Variants in UNC79 observed in about 807,000 individuals in gnomAD.
UNC79 encodes the protein unc-79 subunit of NALCN channel complex.
Under a neutral mutation model 283.1 loss-of-function variants are expected in UNC79, and 37 were observed. The observed-to-expected ratio is 0.13, with a 90% CI of 0.10 to 0.17. The LOEUF (loss-of-function observed/expected upper bound fraction) is 0.17, where lower values mean the gene tolerates loss of function less well. Ranked by LOEUF, UNC79 falls within the 10% of genes least tolerant of loss-of-function variation. The probability of loss-of-function intolerance (pLI) is 1.00; values close to 1 mark genes in which losing one functional copy is unlikely to be tolerated. For synonymous variants in UNC79, 1,107 were observed against 1,200.2 expected (o/e 0.92, Z 1.61); for missense variants, 2,272 against 3,211.1 (o/e 0.71, Z 7.07).
intron 38 of UNC79, among the ~76,000 whole-genome samples, chr14:93,657,438 G>A (rs949472871): frequency 2.0e-5 from 3 of 150,584 alleles, no homozygotes; most frequent in Non-Finnish European, 4.4e-5. Flanking sequence ...TGCAAGCTCC[G>A]CCTCCTGGGT....
intron 41 of UNC79, among the ~76,000 whole-genome samples, chr14:93,679,582 G>A (rs113230024): frequency 0.011 from 1,697 of 152,274 alleles, 27 homozygotes; most frequent in Non-Finnish European, 0.018. Flanking sequence ...AGATGTGTTC[G>A]TTGTGGGCTG....
At chr14:93,348,033 G>C (rs2053902611) in intron 1 of UNC79, 2 of 1,605,554 alleles carry the variant, frequency 1.2e-6, no homozygotes, top group African/African-American at 1.3e-5. Flanking sequence ...TCCAGGAAAT[G>C]GCTGTTGGAC....
At chr14:93,505,730 C>CT (rs149720648) in intron 7 of UNC79, among the ~76,000 whole-genome samples, 9,415 of 146,058 alleles carry the variant, frequency 0.064, 552 homozygotes, top group East Asian at 0.33. Flanking sequence ...TTCTCTCTCT[C>CT]TTTTTTTTTT....
chr14:93,334,425 C>G (rs754242596), intron 1 of UNC79: 1 of 152,230 alleles, frequency 6.6e-6, no homozygotes, highest in Non-Finnish European at 1.5e-5. Context: ...AGGGTCACTT[C>G]AGTTGAACAT....
intron 5 of UNC79, among the ~76,000 whole-genome samples, chr14:93,493,894 TATA>T (rs1270882449): frequency 0.011 from 725 of 63,750 alleles, 16 homozygotes; most frequent in Middle Eastern, 0.023. Flanking sequence ...TATATATATA[TATA>T]TATATTTTTT....
intron 41 of UNC79, among the ~76,000 whole-genome samples, chr14:93,679,756 CAT>C (rs1375449796): frequency 6.6e-6 from 1 of 152,176 alleles, no homozygotes. Context: ...TTAGTAATGA[CAT>C]ATAATAGATA....
chr14:93,535,541 A>T (rs2061027517), intron 11 of UNC79, among the ~76,000 whole-genome samples: 1 of 152,160 alleles, frequency 6.6e-6, no homozygotes, highest in South Asian at 2.1e-4. Context: ...CATGATGGAG[A>T]TAGCTTGTCT....
At chr14:93,543,044 C>A (rs1369958593) in intron 14 of UNC79, among the ~76,000 whole-genome samples, 3 of 149,138 alleles carry the variant, frequency 2.0e-5, no homozygotes, top group Admixed American at 2.0e-4. Flanking sequence ...CCTGCCTCAG[C>A]CTCTGGAGTA....
chr14:93,366,938 G>T (rs2054347947), intron 1 of UNC79, among the ~76,000 whole-genome samples: 2 of 152,108 alleles, frequency 1.3e-5, no homozygotes, highest in African/African-American at 4.8e-5. Context: ...TTAACCAAAA[G>T]ACAGTATTAC....
At position 93,587,028 on chromosome 14, in the gene UNC79, T is replaced by C. The variant is rs1595961548; in HGVS notation, c.3032+120T>C. 4.2e-6 allele frequency: 5 copies of C among 1,184,820 alleles called. No individual in the cohort carries two copies. In the South Asian group the frequency reaches 7.5e-5, roughly 18 times the overall value. The allele number at this position is 1,184,820 out of a possible 1,614,324, so 73.4% of individuals were successfully genotyped here. A position where few individuals can be genotyped will look rare whatever the true frequency, so the allele number is the denominator to read the frequency against. Reference sequence around the variant, plus strand: ...TATTTTTTGAGCCAGGACAGCTCGATTGCCTATGATAACTACTTTTATTTT... The same window carrying C: ...TATTTTTTGAGCCAGGACAGCTCGACTGCCTATGATAACTACTTTTATTTT... On this transcript the variant is annotated intron_variant, in intron 22 of 48. Coordinates refer to ENST00000555664, the Ensembl canonical transcript of UNC79.
chr14:93,488,816 T>C (rs2058580434), intron 5 of UNC79, among the ~76,000 whole-genome samples: 1 of 152,150 alleles, frequency 6.6e-6, no homozygotes. Context: ...GAAAGGGAAT[T>C]CTCAGGGTCC....
chr14:93,607,597 A>G (rs956883909), intron 26 of UNC79, among the ~76,000 whole-genome samples: 3 of 152,320 alleles, frequency 2.0e-5, no homozygotes, highest in Middle Eastern at 3.4e-3. Flanking sequence ...CAGGCCTGCT[A>G]CAGAGTGGCT....
intron 30 of UNC79, 146 bp downstream of exon 32, chr14:93,622,987 T>A: frequency 9.0e-7 from 1 of 1,108,406 alleles, no homozygotes; most frequent in South Asian, 1.7e-5. Flanking sequence ...TCACTCTGAA[T>A]CCTTCCTGTT....
chr14:93,381,117 A>C (rs2054656215), intron 1 of UNC79, among the ~76,000 whole-genome samples: 1 of 152,214 alleles, frequency 6.6e-6, no homozygotes, highest in Non-Finnish European at 1.5e-5. Flanking sequence ...GTTTTGGCCC[A>C]GACCCCAAGA....
chr14:93,542,858 T>A (rs930094159), intron 14 of UNC79, among the ~76,000 whole-genome samples, 162 bp downstream of exon 14: 1 of 152,188 alleles, frequency 6.6e-6, no homozygotes, highest in African/African-American at 2.4e-5. Context: ...TTGGATGATG[T>A]GCTGCTTTGA....
chr14:93,493,901 A>ATATATATATATATATATAT (rs1251701550), intron 5 of UNC79, among the ~76,000 whole-genome samples: 1 of 49,252 alleles, frequency 2.0e-5, no homozygotes, highest in African/African-American at 8.9e-5. Context: ...ATATATATAT[A>ATATATATATATATATATAT]TTTTTTTTTT....
intron 7 of UNC79, among the ~76,000 whole-genome samples, chr14:93,517,325 C>CTT (rs3060641): frequency 2.6e-5 from 3 of 116,034 alleles, no homozygotes; most frequent in Admixed American, 9.3e-5. Flanking sequence ...CTATCCTTCT[C>CTT]TTTTTTTTTT....
At chr14:93,514,070 A>G (rs1241583485) in intron 7 of UNC79, among the ~76,000 whole-genome samples, 1 of 152,250 alleles carries the variant, frequency 6.6e-6, no homozygotes, top group Non-Finnish European at 1.5e-5. Flanking sequence ...TGAAGTAAGC[A>G]TAAGAAAATA....
At chr14:93,655,123 T>C (rs1448214559) in intron 37 of UNC79, 111 bp from the exon 41 acceptor site, 3 of 1,253,604 alleles carry the variant, frequency 2.4e-6, no homozygotes, top group Non-Finnish European at 3.3e-6. Context: ...TAGTAGGCAC[T>C]GAACACGTTT....
Sources: allele counts gnomAD v4.1 joint callset (sites outside exome capture counted in the v4.1 genomes callset), GRCh38; gene constraint gnomAD v4.1.1; transcripts MANE v1.5; gene names NCBI Gene and HGNC (gene_info 2026-07-23, HGNC 2026-07-21).